The following CTNNA3 variants were observed in gnomAD, a reference collection of about 807,000 sequenced individuals.
The protein encoded by CTNNA3 is catenin alpha-3.
Under a neutral mutation model 95.7 loss-of-function variants are expected in CTNNA3, and 76 were observed. The ratio of observed to expected loss-of-function variants is 0.79; its 90% CI spans 0.66 to 0.96. The LOEUF (loss-of-function observed/expected upper bound fraction) is 0.96. Among genes scored for constraint, CTNNA3 ranks in the 40% least tolerant of loss-of-function variants. The pLI is 0.00. For synonymous variants in CTNNA3, 431 were observed against 374.4 expected, an observed-to-expected ratio of 1.15 and a Z score of -1.74; for missense variants, 1,191 against 1,089.8, an observed-to-expected ratio of 1.09 and a Z score of -1.31.
rs191510218 is a variant in CTNNA3, at chr10:67,390,317, A to C, written c.579+131525T>G. ...CTAGAAAATCTAGAAGAAATGGATA[A>C]ATTCCTCGACACATACACTCTCCCA... On this transcript the variant is annotated intron_variant, in intron 5 of 17. Coordinates refer to ENST00000433211, the MANE Select transcript of CTNNA3 (RefSeq NM_013266.4). Among the ~76,000 whole-genome samples the C allele has an allele frequency of 2.4e-4, 37 of 152,328 alleles. 1 individual carries two copies. In the South Asian group the frequency reaches 7.3e-3, roughly 30 times the overall value.
intron 16 of CTNNA3, among the ~76,000 whole-genome samples, chr10:65,972,330 C>T (rs1035278918): frequency 4.6e-5 from 7 of 152,018 alleles, no homozygotes; most frequent in African/African-American, 1.2e-4. Flanking sequence ...CTGAAAGTCC[C>T]AGCCACAGCA....
intron 1 of CTNNA3, among the ~76,000 whole-genome samples, chr10:67,712,991 C>G (rs551223761): frequency 5.1e-4 from 77 of 152,130 alleles, no homozygotes; most frequent in African/African-American, 1.0e-3. Flanking sequence ...TCAGAGGGAA[C>G]AGGCAACCTA....
At chr10:66,314,342 G>C (rs1449583595) in intron 12 of CTNNA3, among the ~76,000 whole-genome samples, 2 of 152,122 alleles carry the variant, frequency 1.3e-5, no homozygotes, top group South Asian at 2.1e-4. Context: ...AAAAAGGCTA[G>C]AAATTAGATT....
At position 66,644,300 on chromosome 10, in the gene CTNNA3, C is replaced by G. The variant is rs959489448; in HGVS notation, c.1282-22516G>C. 1.5e-4 allele frequency among the ~76,000 whole-genome samples: 14 copies of G among 93,612 alleles called. No homozygotes were observed. The East Asian group carries it at 2.4e-3, about 16-fold the overall frequency. The allele number at this position is 93,612 out of a possible 152,430, so 61.4% of individuals were successfully genotyped here. On this transcript the variant is annotated intron_variant, in intron 9 of 17. Coordinates refer to ENST00000433211, the MANE Select transcript of CTNNA3 (RefSeq NM_013266.4). ...TGTCTGTCTGTCTGTCTGTCTCTCTCTCTCTCTATATATATATATATATAA... is the reference window on the plus strand; with the variant it reads ...TGTCTGTCTGTCTGTCTGTCTCTCTGTCTCTCTATATATATATATATATAA...
At chr10:67,507,343 C>T (rs12258552) in intron 5 of CTNNA3, among the ~76,000 whole-genome samples, 8,739 of 152,004 alleles carry the variant, frequency 0.057, 272 homozygotes, top group South Asian at 0.14. Context: ...GCCTGGCCAA[C>T]ATGGTGAAGC....
intron 5 of CTNNA3, among the ~76,000 whole-genome samples, chr10:67,230,646 T>C (rs967735486): frequency 6.6e-6 from 1 of 152,072 alleles, no homozygotes; most frequent in Non-Finnish European, 1.5e-5. Context: ...GAATAGACAA[T>C]GCTCAAAAGA....
intron 5 of CTNNA3, among the ~76,000 whole-genome samples, chr10:67,309,751 G>C (rs2620909): frequency 2.6e-5 from 4 of 151,882 alleles, no homozygotes; most frequent in Non-Finnish European, 5.9e-5. Flanking sequence ...TTAATCCAAG[G>C]CTATTTCAGA....
intron 7 of CTNNA3, among the ~76,000 whole-genome samples, chr10:66,895,746 C>T (rs1047839660): frequency 1.3e-5 from 2 of 151,942 alleles, no homozygotes; most frequent in Non-Finnish European, 2.9e-5. Flanking sequence ...AAGTAATACA[C>T]ATAAAGCACT....
chr10:66,271,506 T>C (rs1447846211), intron 13 of CTNNA3, among the ~76,000 whole-genome samples: 2 of 152,222 alleles, frequency 1.3e-5, no homozygotes, highest in Admixed American at 1.3e-4. Context: ...TACAAGTTTA[T>C]AATAGTATGA....
At chr10:66,625,031 G>T (rs1241235129) in intron 9 of CTNNA3, among the ~76,000 whole-genome samples, 2 of 151,622 alleles carry the variant, frequency 1.3e-5, no homozygotes, top group African/African-American at 4.8e-5. Flanking sequence ...GAAAAACCTG[G>T]GACAAAATGT....
intron 15 of CTNNA3, among the ~76,000 whole-genome samples, chr10:66,028,164 C>T (rs2079378814): frequency 6.6e-6 from 1 of 152,164 alleles, no homozygotes; most frequent in African/African-American, 2.4e-5. Context: ...TAAACTAGTG[C>T]AACCATCGTG....
In CTNNA3 at chr10:66,617,720, G is replaced by T. The variant is rs1323468162; in HGVS notation, c.1374+3972C>A. ...TGGAAGTTCTGGCCAAGGCAATTAG[G>T]CAGGAGAAAGAAATAAAGGGTATTC... On this transcript the variant is annotated intron_variant, in intron 10 of 17. Transcript: ENST00000433211. 2.0e-5 allele frequency among the ~76,000 whole-genome samples: 3 copies of T among 152,196 alleles called. No homozygotes were observed. In the East Asian group the frequency reaches 5.8e-4, roughly 29 times the overall value.
intron 13 of CTNNA3, among the ~76,000 whole-genome samples, chr10:66,162,842 T>G (rs2084921150): frequency 6.6e-6 from 1 of 150,930 alleles, no homozygotes; most frequent in East Asian, 2.0e-4. Flanking sequence ...GGGGCAGGGC[T>G]AGGCATGTCT....
rs1226520776 is a variant in CTNNA3, at chr10:66,199,805, A to ATTTTTTT, written c.1884+80658_1884+80664dup. Among the ~76,000 whole-genome samples, 4 of 14,286 alleles carry ATTTTTTT rather than the reference A, an allele frequency of 2.8e-4. 1 individual carries two copies. Among genetic ancestry groups the ATTTTTTT allele is most frequent in the African/African-American group, 7.9e-4 (2 of 2,546 alleles). 9.4% of individuals were successfully genotyped at this position (14,286 alleles called of 152,430 possible). A position where few individuals can be genotyped will look rare whatever the true frequency, so the allele number is the denominator to read the frequency against. ...TATATATATATATATATATATATAT[A>ATTTTTTT]TTTTTTTTTTTTTTTTTTTTTTTTT... On this transcript the variant is annotated intron_variant, in intron 13 of 17. Coordinates refer to ENST00000433211, the MANE Select transcript of CTNNA3 (RefSeq NM_013266.4).
At chr10:67,503,953 C>G (rs540128234) in intron 5 of CTNNA3, among the ~76,000 whole-genome samples, 3 of 151,974 alleles carry the variant, frequency 2.0e-5, no homozygotes, top group Admixed American at 6.6e-5. Context: ...GTCAGGAGAT[C>G]AAGACCATCC....
intron 12 of CTNNA3, among the ~76,000 whole-genome samples, chr10:66,330,714 A>C (rs1007608078): frequency 6.6e-6 from 1 of 152,070 alleles, no homozygotes; most frequent in Non-Finnish European, 1.5e-5. Context: ...CTATTCCTCC[A>C]CATCCTCTCC....
At chr10:66,607,472 CAAAAAAAAAAAAA>C (rs574854850) in intron 10 of CTNNA3, among the ~76,000 whole-genome samples, 2 of 45,272 alleles carry the variant, frequency 4.4e-5, no homozygotes, top group African/African-American at 1.0e-4. Context: ...CAGAGACAAC[CAAAAAAAAAAAAA>C]AAAAAAAAAA....
chr10:67,663,463 G>T (rs924886252), intron 1 of CTNNA3, among the ~76,000 whole-genome samples: 1 of 152,004 alleles, frequency 6.6e-6, no homozygotes, highest in Non-Finnish European at 1.5e-5. Context: ...TCCCGTGGGT[G>T]GGCTGAGGGG....
chr10:66,875,746 C>T (rs1261700821), intron 7 of CTNNA3, among the ~76,000 whole-genome samples: 3 of 152,180 alleles, frequency 2.0e-5, no homozygotes, highest in Admixed American at 6.5e-5. Flanking sequence ...GTGCTTATGG[C>T]ATGACAATCC....
Sources: gnomAD v4.1 joint callset for allele counts (sites outside exome capture counted in the v4.1 genomes callset) on GRCh38, gnomAD v4.1.1 for gene constraint, MANE v1.5 for transcripts, NCBI Gene and HGNC (gene_info 2026-07-23, HGNC 2026-07-21) for gene names.